The following ARL15 variants were observed in gnomAD, a reference collection of about 807,000 sequenced individuals.
ARL15 encodes ADP-ribosylation factor-like protein 15.
Under a neutral mutation model 25.2 loss-of-function variants are expected in ARL15, and 19 were observed. The ratio of observed to expected loss-of-function variants is 0.75; its 90% confidence interval spans 0.53 to 1.10. ARL15 has a LOEUF of 1.10. Among genes scored for constraint, ARL15 ranks in the 50% least tolerant of loss-of-function variants. The pLI, the probability that ARL15 is intolerant of heterozygous loss-of-function variation, is 0.00. For synonymous variants in ARL15, 94 were observed against 86.8 expected, an observed-to-expected ratio of 1.08 and a Z score of -0.46; for missense variants, 220 against 246.0, an observed-to-expected ratio of 0.89 and a Z score of 0.71.
chr5:54,078,077 C>T (rs959290409), intron 4 of ARL15, among the ~76,000 whole-genome samples: 3 of 152,170 alleles, frequency 2.0e-5, no homozygotes, highest in Non-Finnish European at 4.4e-5. Flanking sequence ...ACTGTCCCCA[C>T]AAGAGTCTTC....
intron 1 of ARL15, among the ~76,000 whole-genome samples, chr5:54,220,996 C>T (rs1756359059): frequency 1.3e-5 from 2 of 151,940 alleles, no homozygotes; most frequent in African/African-American, 4.8e-5. Flanking sequence ...CCAACCCCCG[C>T]CAAAAAAATC....
At chr5:53,944,258 G>C (rs1448981814) in intron 4 of ARL15, among the ~76,000 whole-genome samples, 1 of 152,154 alleles carries the variant, frequency 6.6e-6, no homozygotes, top group Non-Finnish European at 1.5e-5. Context: ...AAGTCCACAA[G>C]GGAGTGGTTA....
intron 2 of ARL15, among the ~76,000 whole-genome samples, chr5:54,169,629 C>T (rs1006288105): frequency 6.6e-6 from 1 of 152,214 alleles, no homozygotes; most frequent in African/African-American, 2.4e-5. Context: ...TGTATCCATG[C>T]CTAAACCTTG....
intron 4 of ARL15, among the ~76,000 whole-genome samples, chr5:53,905,199 G>A (rs1198984142): frequency 6.6e-6 from 1 of 152,118 alleles, no homozygotes; most frequent in Non-Finnish European, 1.5e-5. Context: ...CTGAAGTTTA[G>A]AGTGTTACAT....
intron 1 of ARL15, among the ~76,000 whole-genome samples, chr5:54,275,692 T>A (rs1579974142): frequency 8.9e-6 from 1 of 112,644 alleles, no homozygotes; most frequent in Non-Finnish European, 1.9e-5. Flanking sequence ...ATTTTATTTA[T>A]TTTTTTTTTT....
intron 4 of ARL15, among the ~76,000 whole-genome samples, chr5:53,900,623 TAG>T (rs1435207213): frequency 1.3e-5 from 2 of 151,922 alleles, no homozygotes; most frequent in East Asian, 3.9e-4. Context: ...TTGAAAAAAA[TAG>T]ATTTAAATAG....
At chr5:54,140,367 T>A (rs558983789) in intron 3 of ARL15, among the ~76,000 whole-genome samples, 74 of 152,112 alleles carry the variant, frequency 4.9e-4, no homozygotes, top group African/African-American at 1.8e-3. Context: ...CCACCAACTA[T>A]GATTTTGAAA....
At chr5:54,006,886 T>C (rs973786779) in intron 4 of ARL15, among the ~76,000 whole-genome samples, 1 of 151,874 alleles carries the variant, frequency 6.6e-6, no homozygotes, top group African/African-American at 2.4e-5. Flanking sequence ...AGGTCGGGAG[T>C]TCGAGACCAG....
At chr5:54,155,171 T>A (rs887824409) in intron 2 of ARL15, among the ~76,000 whole-genome samples, 2 of 152,140 alleles carry the variant, frequency 1.3e-5, no homozygotes, top group African/African-American at 4.8e-5. Context: ...TACGGCAATA[T>A]ATAACACTAT....
At chr5:54,171,680 A>T in intron 2 of ARL15, 104 bp downstream of exon 2, 1 of 1,292,344 alleles carries the variant, frequency 7.7e-7, no homozygotes, top group Non-Finnish European at 1.0e-6. Context: ...TAAACTGATT[A>T]AAGCATTAAA....
intron 1 of ARL15, among the ~76,000 whole-genome samples, chr5:54,295,973 G>GT (rs1333581298): frequency 6.6e-6 from 1 of 152,226 alleles, no homozygotes; most frequent in Non-Finnish European, 1.5e-5. Context: ...GAATTCCAGA[G>GT]TAGCACCTCA....
rs200465582 is a variant in ARL15 at position 54,071,520 on chromosome 5, C to A, written c.462+41682G>T. ...CTCTTCCACCGCCTTTCCCCCCCCC[C>A]CCCCCGCAAAGCCAGACCCAACCTC... On this transcript the variant is annotated intron_variant, in intron 4 of 4. Coordinates refer to ENST00000504924, the MANE Select transcript of ARL15 (RefSeq NM_019087.3). Among the ~76,000 whole-genome samples the A allele has an allele frequency of 9.7e-4, 99 of 101,946 alleles. 7 individuals are homozygous for A. The highest frequency in any genetic ancestry group is 2.2e-3 in the African/African-American group (43 of 19,430). The allele number at this position is 101,946 out of a possible 152,430, so 66.9% of individuals were successfully genotyped here.
At chr5:54,167,844 C>T (rs553536963) in intron 2 of ARL15, among the ~76,000 whole-genome samples, 2 of 152,144 alleles carry the variant, frequency 1.3e-5, no homozygotes, top group South Asian at 4.2e-4. Context: ...GCTCTTCATC[C>T]CCTCAATTCT....
chr5:54,055,597 G>A (rs975540832), intron 4 of ARL15, among the ~76,000 whole-genome samples: 2 of 152,010 alleles, frequency 1.3e-5, no homozygotes, highest in African/African-American at 2.4e-5. Context: ...CTGAACTCAG[G>A]TGATCCACCC....
chr5:54,267,168 T>C (rs1757650163), intron 1 of ARL15, among the ~76,000 whole-genome samples: 1 of 152,182 alleles, frequency 6.6e-6, no homozygotes. Flanking sequence ...CTCAGCTCAC[T>C]GCAACCTCTG....
chr5:53,971,878 A>G (rs1219363272), intron 4 of ARL15, among the ~76,000 whole-genome samples: 1 of 152,232 alleles, frequency 6.6e-6, no homozygotes, highest in African/African-American at 2.4e-5. Context: ...TTTGCTTCTC[A>G]ACAATTGCAA....
At chr5:53,924,665 G>T (rs1745963563) in intron 4 of ARL15, among the ~76,000 whole-genome samples, 1 of 152,106 alleles carries the variant, frequency 6.6e-6, no homozygotes, top group Non-Finnish European at 1.5e-5. Context: ...TCACTTAAAG[G>T]CTGCTCACCG....
rs368738521 is a variant in ARL15, at chr5:54,051,039, G to A, written c.462+62163C>T. 2.6e-5 allele frequency among the ~76,000 whole-genome samples: 4 copies of A among 152,310 alleles called. No individual in the cohort carries two copies. The East Asian group carries it at 7.7e-4, about 29-fold the overall frequency. On this transcript the variant is annotated intron_variant, in intron 4 of 4. Coordinates refer to ENST00000504924, the MANE Select transcript of ARL15 (RefSeq NM_019087.3). ...TTAATACTACTACTCAGAGACCCATGAATGTATCTCAGTGCCTGGCACAGA... is the reference window on the plus strand; with the variant it reads ...TTAATACTACTACTCAGAGACCCATAAATGTATCTCAGTGCCTGGCACAGA...
At chr5:54,082,592 A>G (rs1046460489) in intron 4 of ARL15, among the ~76,000 whole-genome samples, 2 of 152,178 alleles carry the variant, frequency 1.3e-5, no homozygotes, top group African/African-American at 4.8e-5. Flanking sequence ...AAAGACACAT[A>G]ATCTAATCAA....
Sources: allele counts gnomAD v4.1 joint callset (sites outside exome capture counted in the v4.1 genomes callset), GRCh38; gene constraint gnomAD v4.1.1; transcripts MANE v1.5; gene names NCBI Gene and HGNC (gene_info 2026-07-23, HGNC 2026-07-21).